BCORL1: variants seen among roughly 807,000 people sequenced by gnomAD.
BCORL1 encodes BCL-6 corepressor-like protein 1.
BCORL1 carries 7 observed loss-of-function variants against 87.6 expected under a neutral mutation model. The ratio of observed to expected loss-of-function variants is 0.08; its 90% CI spans 0.05 to 0.15. The LOEUF is 0.15. Among genes scored for constraint, BCORL1 ranks in the 10% least tolerant of loss-of-function variants. BCORL1 has a pLI of 1.00. For synonymous variants in BCORL1, 591 were observed against 634.4 expected, an observed-to-expected ratio of 0.93 and a Z score of 1.03; for missense variants, 1,215 against 1,499.7, an observed-to-expected ratio of 0.81 and a Z score of 3.13.
At chrX:129,991,651 CTT>C (rs112594609) in intron 1 of BCORL1, among the ~76,000 whole-genome samples, 16 of 47,533 alleles carry the variant, frequency 3.4e-4, no homozygotes, top group Non-Finnish European at 4.4e-4. Flanking sequence ...AGAAAATATT[CTT>C]TTTTTTTTTT....
Position 130,013,665 on chromosome X carries a change from C to T in BCORL1, c.893C>T (p.Ser298Leu), listed in dbSNP as rs1264369510. 4 of 1,209,444 alleles carry T rather than the reference C, an allele frequency of 3.3e-6. No individual in the cohort carries two copies. The highest frequency in any genetic ancestry group is 1.8e-5 in the African/African-American group (1 of 57,078). ...CCCCCTTCAGGCCCGGTTCCCTTGT[C>T]GGCTCCAGCTCCTGCCCCGCTTTCA... ...SAPPSGPVPL[S>L]APAPAPLSVP... Residue 298 changes from serine (S) to leucine (L), a missense_variant, in exon 4 of 14, where the codon TCG (serine) becomes TTG (leucine). Around this residue, in one of 5 missense-constraint regions of BCORL1, gnomAD observed 861 missense variants for 1,010.0 expected, o/e 0.85. Transcript: ENST00000540052.
At chrX:129,981,921 ACG>A (rs1491495011), upstream of BCORL1, 1 of 7,262 alleles carries the variant, frequency 1.4e-4, no homozygotes, top group Non-Finnish European at 2.5e-4. Flanking sequence ...GGTGGCGACG[ACG>A]GTGGGGGGGG....
intron 2 of BCORL1, chrX:130,010,484 G>C (rs1194032476): frequency 9.3e-6 from 1 of 106,990 alleles, no homozygotes; most frequent in African/African-American, 3.4e-5. Context: ...TCTCCTTACA[G>C]TCATTTCTGT....
chrX:129,997,324 A>AT (rs915434293), intron 1 of BCORL1, among the ~76,000 whole-genome samples: 2 of 110,640 alleles, frequency 1.8e-5, no homozygotes, highest in African/African-American at 3.3e-5. Context: ...AGGTTCCCCT[A>AT]TTTCATTTTT....
chrX:130,010,538 T>G (rs1928862318), intron 2 of BCORL1: 1 of 110,534 alleles, frequency 9.0e-6, no homozygotes, highest in Non-Finnish European at 1.9e-5. Context: ...CTCCCACTTC[T>G]GCCAGTCCAA....
At chrX:130,042,294 T>C (rs950575602) in intron 11 of BCORL1, among the ~76,000 whole-genome samples, 14 of 110,664 alleles carry the variant, frequency 1.3e-4, no homozygotes, top group African/African-American at 4.6e-4. Context: ...CGGGGTTTGC[T>C]ATGTTGCCCA....
chrX:130,054,811 T>G (rs922913820), intron 13 of BCORL1, among the ~76,000 whole-genome samples: 3 of 110,927 alleles, frequency 2.7e-5, no homozygotes, highest in African/African-American at 9.9e-5. Context: ...CTCAGGAGGC[T>G]GAGACAGGAG....
chrX:130,050,465 T>G lies in BCORL1; in HGVS notation c.4841-252T>G, dbSNP rs186463005. 1.9e-4 allele frequency among the ~76,000 whole-genome samples: 21 copies of G among 109,777 alleles called. No individual in the cohort carries two copies. The East Asian group carries it at 6.0e-3, about 31-fold the overall frequency. On this transcript the variant is annotated intron_variant, in intron 11 of 13. Coordinates refer to ENST00000540052, the MANE Select transcript of BCORL1 (RefSeq NM_001379451.1). ...AAAAATTAAAATGTTGGAAGCAAATTGGGATTTTTTTTTTCTTTTAAAGCA... is the reference window on the plus strand; with the variant it reads ...AAAAATTAAAATGTTGGAAGCAAATGGGGATTTTTTTTTTCTTTTAAAGCA...
chrX:130,021,080 G>A lies in BCORL1; in HGVS notation c.3537G>A (p.Lys1179=). The change falls in exon 5 of 14, where the codon AAG becomes AAA. Residue 1179 remains lysine, a synonymous_variant. Coordinates refer to ENST00000540052, the MANE Select transcript of BCORL1 (RefSeq NM_001379451.1). ...SGKEHNGVRG[K]HKHRKPTKPE... is the part of the protein sequence containing the mutation. ...AAGAGCACAATGGAGTCAGGGGAAAGCACAAGCACCGGAAGCCGACAAAGC... is the reference window on the plus strand; with the variant it reads ...AAGAGCACAATGGAGTCAGGGGAAAACACAAGCACCGGAAGCCGACAAAGC... 8.3e-7 allele frequency: 1 copy of A among 1,201,019 alleles called. No homozygotes were observed. The highest frequency in any genetic ancestry group is 1.8e-5 in the South Asian group (1 of 55,165).
intron 2 of BCORL1, among the ~76,000 whole-genome samples, chrX:130,011,035 A>AG: frequency 1.1e-5 from 1 of 87,985 alleles, no homozygotes; most frequent in East Asian, 4.0e-4. Context: ...AAAAAAAAAA[A>AG]GAGGGAAAAA....
rs181323691 is a variant in BCORL1 at position 130,017,684 on chromosome X, C to T, written c.3441+1471C>T. Among the ~76,000 whole-genome samples the T allele has an allele frequency of 7.5e-4, 81 of 108,298 alleles. 1 individual carries two copies. The highest frequency in any genetic ancestry group is 3.6e-4 in the Non-Finnish European group (19 of 52,211). 94.0% of individuals were successfully genotyped at this position (108,298 alleles called of 115,157 possible). A position where few individuals can be genotyped will look rare whatever the true frequency, so the allele number is the denominator to read the frequency against. ...TGAGTCAGGGTCTTGCTCTGTCACC[C>T]GGGCTGGAGTGCAGTGGCTCGATCA... On this transcript the variant is annotated intron_variant, in intron 4 of 13. Transcript: ENST00000540052.
chrX:129,999,111 A>G (rs1927800455), intron 1 of BCORL1, among the ~76,000 whole-genome samples: 1 of 86,881 alleles, frequency 1.2e-5, no homozygotes, highest in Non-Finnish European at 2.2e-5. Flanking sequence ...ATGTTGTATG[A>G]TGTTCTGTTT....
intron 7 of BCORL1, among the ~76,000 whole-genome samples, chrX:130,027,486 A>G (rs1436870482): frequency 1.8e-5 from 2 of 112,196 alleles, no homozygotes; most frequent in Non-Finnish European, 3.8e-5. Context: ...GCCTTTGTCA[A>G]TGTCACATGT....
At chrX:129,993,768 C>CT (rs779182025) in intron 1 of BCORL1, among the ~76,000 whole-genome samples, 1 of 111,024 alleles carries the variant, frequency 9.0e-6, no homozygotes, top group African/African-American at 3.3e-5. Context: ...ACGTATGGTC[C>CT]TTTTTTTTAT....
intron 2 of BCORL1, among the ~76,000 whole-genome samples, chrX:130,005,657 G>A (rs1184065436): frequency 1.8e-5 from 2 of 110,552 alleles, no homozygotes; most frequent in Non-Finnish European, 3.8e-5. Context: ...GCTTTGTCAT[G>A]CAGGCTGGAG....
At chrX:130,039,340 C>T (rs1406729048) in intron 11 of BCORL1, 58 bp downstream of exon 11, 3 of 1,166,697 alleles carry the variant, frequency 2.6e-6, no homozygotes, top group African/African-American at 3.5e-5. Flanking sequence ...GATTCCTGAA[C>T]TTGTGAGGAC....
At chrX:130,004,248 T>TG (rs1330403607) in intron 1 of BCORL1, among the ~76,000 whole-genome samples, 1 of 100,596 alleles carries the variant, frequency 9.9e-6, no homozygotes, top group Non-Finnish European at 2.0e-5. Context: ...GTGGTTTTTT[T>TG]TTTTTTTTTT....
chrX:129,980,665 C>T (rs1274181168), upstream of BCORL1, among the ~76,000 whole-genome samples: 1 of 110,721 alleles, frequency 9.0e-6, no homozygotes, highest in African/African-American at 3.3e-5. Flanking sequence ...GGCCGTACAC[C>T]GGACCGAATC....
intron 13 of BCORL1, among the ~76,000 whole-genome samples, chrX:130,053,259 A>G (rs1471460976): frequency 9.0e-6 from 1 of 111,219 alleles, no homozygotes; most frequent in East Asian, 2.8e-4. Flanking sequence ...GGCTCTAACC[A>G]TTAGACCACA....
Sources: allele counts gnomAD v4.1 joint callset (sites outside exome capture counted in the v4.1 genomes callset), GRCh38; gene constraint gnomAD v4.1.1; regional missense constraint gnomAD v4.1.1; transcripts MANE v1.5; gene names NCBI Gene and HGNC (gene_info 2026-07-23, HGNC 2026-07-21).